The following MACROD2 variants were observed in gnomAD, a reference collection of about 807,000 sequenced individuals.
MACROD2 encodes mono-ADP ribosylhydrolase 2.
A neutral mutation model predicts 70.4 loss-of-function variants in MACROD2; 36 were observed. That is an observed-to-expected ratio of 0.51 (90% CI 0.39 to 0.68). MACROD2 has a LOEUF of 0.68. Ranked by LOEUF, MACROD2 falls within the 30% of genes least tolerant of loss-of-function variation. The pLI is 0.00. For missense variants in MACROD2, 496 were observed against 538.4 expected (o/e 0.92, Z 0.78); for synonymous variants, 172 against 178.8 (o/e 0.96, Z 0.30).
chr20:15,095,064 C>CTTTTTT (rs373794823), intron 5 of MACROD2, among the ~76,000 whole-genome samples: 48 of 89,272 alleles, frequency 5.4e-4, no homozygotes, highest in South Asian at 1.5e-3. Context: ...GTCTCCTCTT[C>CTTTTTT]TTTTTTTTTT....
chr20:14,467,803 C>T (rs1317405951), intron 3 of MACROD2, among the ~76,000 whole-genome samples: 7 of 152,072 alleles, frequency 4.6e-5, no homozygotes, highest in South Asian at 2.1e-4. Flanking sequence ...GATTCTGGTA[C>T]GTTGTGTCAT....
chr20:15,681,852 A>G (rs939957048), intron 8 of MACROD2, among the ~76,000 whole-genome samples: 2 of 152,170 alleles, frequency 1.3e-5, no homozygotes, highest in Non-Finnish European at 2.9e-5. Flanking sequence ...CTTCTTTTCT[A>G]TTACTAGAGA....
intron 5 of MACROD2, among the ~76,000 whole-genome samples, chr20:14,730,861 C>G (rs1321582554): frequency 6.6e-6 from 1 of 151,932 alleles, no homozygotes; most frequent in Non-Finnish European, 1.5e-5. Flanking sequence ...AAAGATCTTT[C>G]TATTATTCCA....
chr20:14,431,678 T>C (rs2083996200), intron 3 of MACROD2, among the ~76,000 whole-genome samples: 1 of 152,134 alleles, frequency 6.6e-6, no homozygotes, highest in Non-Finnish European at 1.5e-5. Flanking sequence ...TGGAAAGGCA[T>C]CGAATAACTA....
intron 5 of MACROD2, chr20:14,905,776 C>T (rs2073951609): frequency 6.6e-6 from 1 of 152,288 alleles, no homozygotes; most frequent in African/African-American, 2.4e-5. Context: ...TTTTCATCCT[C>T]TGCAATAGGA....
At chr20:15,454,661 C>CTTTGAATTGTGGA (rs1400040495) in intron 7 of MACROD2, among the ~76,000 whole-genome samples, 3 of 64,120 alleles carry the variant, frequency 4.7e-5, no homozygotes, top group Non-Finnish European at 9.9e-5. Flanking sequence ...CCAGCAGTCA[C>CTTTGAATTGTGGA]GCTGGCTCTC....
At chr20:15,392,208 G>T (rs2045802327) in intron 6 of MACROD2, among the ~76,000 whole-genome samples, 1 of 152,164 alleles carries the variant, frequency 6.6e-6, no homozygotes, top group African/African-American at 2.4e-5. Context: ...CTACAGGAAA[G>T]TGTCTTTTCA....
chr20:14,803,073 C>T (rs2072597913), intron 5 of MACROD2, among the ~76,000 whole-genome samples: 1 of 152,016 alleles, frequency 6.6e-6, no homozygotes, highest in African/African-American at 2.4e-5. Flanking sequence ...TGGTGCTCCC[C>T]ATCACTCACA....
At chr20:14,155,660 C>A (rs755331659) in intron 3 of MACROD2, among the ~76,000 whole-genome samples, 3 of 151,878 alleles carry the variant, frequency 2.0e-5, no homozygotes, top group Non-Finnish European at 4.4e-5. Flanking sequence ...AAATTCATTT[C>A]CTCTTTAGTA....
intron 3 of MACROD2, among the ~76,000 whole-genome samples, chr20:14,320,386 C>G (rs944151569): frequency 2.6e-5 from 4 of 152,062 alleles, no homozygotes; most frequent in African/African-American, 9.7e-5. Context: ...TCTTCTTGTT[C>G]CCAGTTTCTC....
chr20:14,505,534 GAGA>G (rs1378318005), intron 4 of MACROD2, among the ~76,000 whole-genome samples: 1 of 152,144 alleles, frequency 6.6e-6, no homozygotes, highest in Non-Finnish European at 1.5e-5. Flanking sequence ...CTTGAACAGG[GAGA>G]AGAACTCTAT....
chr20:15,084,084 TAATGAA>T (rs2075728507), intron 5 of MACROD2, among the ~76,000 whole-genome samples: 1 of 123,506 alleles, frequency 8.1e-6, no homozygotes, highest in Admixed American at 8.0e-5. Context: ...TTTTTTTTTT[TAATGAA>T]GTTTTGCTCT....
intron 8 of MACROD2, among the ~76,000 whole-genome samples, chr20:15,555,828 CAAAAAAAAAAA>C (rs397838341): frequency 5.4e-5 from 1 of 18,566 alleles, no homozygotes; most frequent in Non-Finnish European, 1.0e-4. Context: ...GACTCCATCT[CAAAAAAAAAAA>C]AAAAAAAAAA....
At chr20:14,872,021 G>C (rs2073494359) in intron 5 of MACROD2, among the ~76,000 whole-genome samples, 1 of 152,036 alleles carries the variant, frequency 6.6e-6, no homozygotes, top group Non-Finnish European at 1.5e-5. Flanking sequence ...GATTCATAAA[G>C]CAAGTTCTTA....
At chr20:14,194,181 A>C (rs974525319) in intron 3 of MACROD2, among the ~76,000 whole-genome samples, 2 of 152,186 alleles carry the variant, frequency 1.3e-5, no homozygotes, top group Non-Finnish European at 2.9e-5. Flanking sequence ...GCTCCTGAAG[A>C]CATGGATCTC....
At position 15,792,108 on chromosome 20, in the gene MACROD2, AG is replaced by A. The variant is rs566996553; in HGVS notation, c.646-70635del. ...ATGTTCCCAGATTCTCCAGATTCAG[AG>A]GTAATACTGGCATTCAAATCATTGG... On this transcript the variant is annotated intron_variant, in intron 8 of 17. Transcript: ENST00000684519. Among the ~76,000 whole-genome samples the A allele has an allele frequency of 5.7e-3, 866 of 152,216 alleles. 2 individuals are homozygous for A. Among genetic ancestry groups the A allele is most frequent in the Middle Eastern group, 0.014 (4 of 294 alleles).
intron 12 of MACROD2, among the ~76,000 whole-genome samples, chr20:15,953,483 G>A (rs1445664579): frequency 1.3e-5 from 2 of 151,998 alleles, no homozygotes; most frequent in Non-Finnish European, 2.9e-5. Context: ...CTATGAATAT[G>A]AACAATTATT....
At chr20:15,473,136 C>G (rs2146437984) in intron 7 of MACROD2, among the ~76,000 whole-genome samples, 1 of 152,306 alleles carries the variant, frequency 6.6e-6, no homozygotes, top group East Asian at 1.9e-4. Context: ...TTTCACATCT[C>G]TGAGCTTCAT....
chr20:14,320,111 A>ACAGGTTTGTACT (rs1357934607), intron 3 of MACROD2, among the ~76,000 whole-genome samples: 2 of 152,172 alleles, frequency 1.3e-5, no homozygotes, highest in African/African-American at 4.8e-5. Context: ...CTGCGCACAT[A>ACAGGTTTGTACT]GTCACCTGTT....
Sources: allele counts gnomAD v4.1 joint callset (sites outside exome capture counted in the v4.1 genomes callset), GRCh38; gene constraint gnomAD v4.1.1; transcripts MANE v1.5; gene names NCBI Gene and HGNC (gene_info 2026-07-23, HGNC 2026-07-21).